ANKRD44: variants seen among roughly 807,000 people sequenced by gnomAD.
The protein encoded by ANKRD44 is ankyrin repeat domain 44.
ANKRD44 carries 35 observed loss-of-function variants against 116.0 expected under a neutral mutation model. The observed-to-expected ratio is 0.30, with a 90% CI of 0.23 to 0.40. The LOEUF is 0.40. Among genes scored for constraint, ANKRD44 ranks in the 10% least tolerant of loss-of-function variants. ANKRD44 has a pLI of 1.00. For missense variants in ANKRD44, 1,014 were observed against 1,242.6 expected (o/e 0.82, Z 2.77); for synonymous variants, 435 against 461.8 (o/e 0.94, Z 0.74).
intron 2 of ANKRD44, among the ~76,000 whole-genome samples, chr2:197,171,896 GT>G (rs1454571647): frequency 1.3e-5 from 2 of 151,570 alleles, no homozygotes; most frequent in African/African-American, 4.8e-5. Context: ...CAATTAAAAG[GT>G]TTCAAAAGAT....
Position 197,248,591 on chromosome 2 carries a change from T to TATATAA in ANKRD44, c.28-61486_28-61485insTTATAT, listed in dbSNP as rs752046314. On this transcript the variant is annotated intron_variant, in intron 1 of 27. Transcript: ENST00000282272. ...GTGTGTGTGTGTGTATATATATATATAAAGAGAGAGATTGAGAGAGAGAGG... is the reference window on the plus strand; with the variant it reads ...GTGTGTGTGTGTGTATATATATATATATATAAAAAGAGAGAGATTGAGAGAGAGAGG... 2.7e-5 allele frequency among the ~76,000 whole-genome samples: 4 copies of TATATAA among 149,484 alleles called. No individual in the cohort carries two copies. In the South Asian group the frequency reaches 8.4e-4, roughly 31 times the overall value.
At chr2:197,016,427 AT>A (rs1284746186) in intron 17 of ANKRD44, among the ~76,000 whole-genome samples, 2 of 26,702 alleles carry the variant, frequency 7.5e-5, no homozygotes, top group Non-Finnish European at 1.6e-4. Flanking sequence ...CTACATTTTA[AT>A]ACAGAAACTA....
At chr2:197,274,242 T>C (rs2083009020) in intron 1 of ANKRD44, among the ~76,000 whole-genome samples, 1 of 151,980 alleles carries the variant, frequency 6.6e-6, no homozygotes, top group South Asian at 2.1e-4. Context: ...GTGAAAATTC[T>C]CTCAGCCTCA....
chr2:197,058,818 T>C (rs952044462), intron 16 of ANKRD44, among the ~76,000 whole-genome samples: 1 of 152,234 alleles, frequency 6.6e-6, no homozygotes, highest in African/African-American at 2.4e-5. Context: ...TTGACTGCAT[T>C]ATGTGACAGG....
chr2:197,020,200 C>A (rs981864675), intron 17 of ANKRD44, among the ~76,000 whole-genome samples: 2 of 152,166 alleles, frequency 1.3e-5, no homozygotes, highest in Non-Finnish European at 2.9e-5. Flanking sequence ...GTACATCAGG[C>A]TATGACACTT....
At chr2:196,989,810 C>T in intron 27 of ANKRD44, 161 bp from the exon 28 acceptor site, 1 of 1,403,800 alleles carries the variant, frequency 7.1e-7, no homozygotes, top group Admixed American at 2.9e-5. Context: ...ATGACCTTGA[C>T]TGAGAAGCTC....
intron 17 of ANKRD44, among the ~76,000 whole-genome samples, chr2:197,022,878 A>G (rs1454030786): frequency 6.6e-6 from 1 of 152,100 alleles, no homozygotes; most frequent in Non-Finnish European, 1.5e-5. Context: ...AATACTTTCT[A>G]TCTCCCTGAT....
chr2:197,206,440 T>C (rs1168178606), intron 1 of ANKRD44, among the ~76,000 whole-genome samples: 1 of 152,092 alleles, frequency 6.6e-6, no homozygotes, highest in Non-Finnish European at 1.5e-5. Flanking sequence ...TCCCAGCACT[T>C]TGGGAGGTAG....
At chr2:197,166,532 G>C (rs987203428) in intron 2 of ANKRD44, among the ~76,000 whole-genome samples, 4 of 152,222 alleles carry the variant, frequency 2.6e-5, no homozygotes, top group African/African-American at 9.7e-5. Flanking sequence ...AGAATTTAAA[G>C]TTTGCTGATT....
At chr2:197,302,397 G>A (rs1475600129) in intron 1 of ANKRD44, 1 of 152,158 alleles carries the variant, frequency 6.6e-6, no homozygotes, top group East Asian at 1.9e-4. Context: ...GGCAGCCAGT[G>A]AAAAATACAG....
intron 1 of ANKRD44, among the ~76,000 whole-genome samples, chr2:197,276,097 G>A (rs1428552171): frequency 2.0e-5 from 3 of 151,800 alleles, no homozygotes; most frequent in African/African-American, 7.3e-5. Context: ...CCAACATGGT[G>A]AAACCCTGTC....
At chr2:197,197,553 G>C (rs1336247839) in intron 1 of ANKRD44, among the ~76,000 whole-genome samples, 2 of 152,138 alleles carry the variant, frequency 1.3e-5, no homozygotes, top group Non-Finnish European at 2.9e-5. Context: ...GCTCATGCTT[G>C]TAATCCCAAC....
intron 2 of ANKRD44, among the ~76,000 whole-genome samples, chr2:197,180,261 C>A (rs11901946): frequency 6.6e-6 from 1 of 151,974 alleles, no homozygotes; most frequent in African/African-American, 2.4e-5. Flanking sequence ...ACCTGCAGGC[C>A]GGATTTGGCC....
At position 196,987,952 on chromosome 2, in the gene ANKRD44, G is replaced by A. The variant is rs894955286; in HGVS notation, c.*1639C>T. ...CATTTCTTTAAAAAAATTTTGCCTT[G>A]GGGTATGGGAGAAAGAGAAAGAGAG... On this transcript the variant is annotated 3_prime_UTR_variant, in exon 28 of 28. Coordinates refer to ENST00000282272, the MANE Select transcript of ANKRD44 (RefSeq NM_001195144.2). 5.6e-5 allele frequency: 55 copies of A among 984,966 alleles called. No homozygotes were observed. In the African/African-American group the frequency reaches 8.8e-4, roughly 16 times the overall value. The allele number at this position is 984,966 out of a possible 1,614,324, so 61.0% of individuals were successfully genotyped here. A position where few individuals can be genotyped will look rare whatever the true frequency, so the allele number is the denominator to read the frequency against.
chr2:197,105,119 G>T lies in ANKRD44; in HGVS notation c.986-5189C>A, dbSNP rs193140213. On this transcript the variant is annotated intron_variant, in intron 9 of 27. Transcript: ENST00000282272. The stretch of plus-strand genomic sequence containing the variant: ...GGGTTCTTTTGTTGTTGTTATTTTG[G>T]GGTTTTTTTTTGAGATGGACTCTCG... Among the ~76,000 whole-genome samples the T allele has an allele frequency of 6.5e-4, 98 of 150,666 alleles. 1 individual carries two copies. The highest frequency in any genetic ancestry group is 3.2e-3 in the Admixed American group (48 of 15,186).
chr2:197,277,893 A>G (rs1194529029), intron 1 of ANKRD44, among the ~76,000 whole-genome samples: 1 of 152,200 alleles, frequency 6.6e-6, no homozygotes, highest in Non-Finnish European at 1.5e-5. Flanking sequence ...GAGAATAGGC[A>G]GTTAGGAGTC....
Position 197,078,834 on chromosome 2 carries a change from G to C in ANKRD44, c.1539-20C>G. ...AGACATCTGTAAGTATAAAGATGAA[G>C]TGTTATTTTAGAAAACATCTCTGGA... is the stretch of plus-strand genomic sequence containing the variant. On this transcript the variant is annotated intron_variant, in intron 15 of 27. Coordinates refer to ENST00000282272, the MANE Select transcript of ANKRD44 (RefSeq NM_001195144.2). 6.2e-7 allele frequency: 1 copy of C among 1,607,214 alleles called. No homozygotes were observed. Among genetic ancestry groups the C allele is most frequent in the African/African-American group, 1.3e-5 (1 of 74,800 alleles).
chr2:197,153,382 A>G (rs1345312473), intron 2 of ANKRD44, among the ~76,000 whole-genome samples: 1 of 152,140 alleles, frequency 6.6e-6, no homozygotes, highest in Non-Finnish European at 1.5e-5. Context: ...CCTAGGCCCA[A>G]CTACCTTAAT....
intron 1 of ANKRD44, among the ~76,000 whole-genome samples, chr2:197,254,112 A>G (rs569226163): frequency 1.6e-4 from 24 of 152,296 alleles, no homozygotes; most frequent in African/African-American, 4.3e-4. Flanking sequence ...CAACTCCAAG[A>G]CGAGGCACGG....
Sources: gnomAD v4.1 joint callset for allele counts (sites outside exome capture counted in the v4.1 genomes callset) on GRCh38, gnomAD v4.1.1 for gene constraint, MANE v1.5 for transcripts, NCBI Gene and HGNC (gene_info 2026-07-23, HGNC 2026-07-21) for gene names.